SIL1: variants seen among roughly 807,000 people sequenced by gnomAD.
SIL1 encodes the protein SIL1 nucleotide exchange factor, also known as nucleotide exchange factor SIL1.
A neutral mutation model predicts 49.1 loss-of-function variants in SIL1; 40 were observed. The observed-to-expected ratio is 0.81, with a 90% CI of 0.63 to 1.06. The LOEUF (loss-of-function observed/expected upper bound fraction) is 1.06, where lower values mean the gene tolerates loss of function less well. Ranked by LOEUF, SIL1 falls within the 50% of genes least tolerant of loss-of-function variation. The pLI is 0.00. For synonymous variants in SIL1, 253 were observed against 250.8 expected, an observed-to-expected ratio of 1.01 and a Z score of -0.08; for missense variants, 500 against 572.6, an observed-to-expected ratio of 0.87 and a Z score of 1.29.
intron 3 of SIL1, among the ~76,000 whole-genome samples, chr5:139,100,335 C>T (rs1330985384): frequency 6.6e-6 from 1 of 152,068 alleles, no homozygotes; most frequent in Non-Finnish European, 1.5e-5. Flanking sequence ...GGTGTGACAG[C>T]CTGATGTGTT....
rs372165445 is a variant in SIL1, at chr5:138,988,219, G to A, written c.767+32952C>T. 6.6e-5 allele frequency among the ~76,000 whole-genome samples: 10 copies of A among 152,288 alleles called. No individual in the cohort carries two copies. In the East Asian group the frequency reaches 1.4e-3, roughly 21 times the overall value. On this transcript the variant is annotated intron_variant, in intron 7 of 9. Coordinates refer to ENST00000394817, the MANE Select transcript of SIL1 (RefSeq NM_022464.5). ...CCAAAGCTCCTGGTGGCCATTGTAC[G>A]CCTAGCACAGACCCGTACACCTGGT... is the stretch of plus-strand genomic sequence containing the variant.
chr5:139,094,603 A>G (rs373199319), intron 3 of SIL1, among the ~76,000 whole-genome samples: 6 of 152,234 alleles, frequency 3.9e-5, no homozygotes, highest in African/African-American at 1.4e-4. Flanking sequence ...TTGGACTTAC[A>G]GAAAACTCAG....
At chr5:139,019,938 G>C (rs1362057419) in intron 7 of SIL1, among the ~76,000 whole-genome samples, 1 of 152,138 alleles carries the variant, frequency 6.6e-6, no homozygotes, top group Non-Finnish European at 1.5e-5. Flanking sequence ...GCCTTATAAG[G>C]CTAAGACCCT....
chr5:138,982,550 TAG>T (rs756884065), intron 7 of SIL1, among the ~76,000 whole-genome samples: 1 of 152,216 alleles, frequency 6.6e-6, no homozygotes, highest in Non-Finnish European at 1.5e-5. Flanking sequence ...GAGCATTTTA[TAG>T]AGACAATTTC....
At position 139,022,622 on chromosome 5, in the gene SIL1, G is replaced by A. The variant is rs527778973; in HGVS notation, c.646-1330C>T. 9 of 152,322 alleles carry A rather than the reference G, an allele frequency of 5.9e-5. No individual in the cohort carries two copies. In the East Asian group the frequency reaches 1.7e-3, roughly 29 times the overall value. The allele number at this position is 152,322 out of a possible 1,614,324, so 9.4% of individuals were successfully genotyped here. A position where few individuals can be genotyped will look rare whatever the true frequency, so the allele number is the denominator to read the frequency against. On this transcript the variant is annotated intron_variant, in intron 6 of 9. Coordinates refer to ENST00000394817, the MANE Select transcript of SIL1 (RefSeq NM_022464.5). ...AGTGTGAATAAAAAGGCAATCTGGG[G>A]TATCTGTGCCAACAAAATGAATGGG...
intron 1 of SIL1, among the ~76,000 whole-genome samples, chr5:139,187,205 G>C (rs1752090666): frequency 6.6e-6 from 1 of 152,184 alleles, no homozygotes; most frequent in African/African-American, 2.4e-5. Flanking sequence ...GCTCACTGAA[G>C]GCGGCAGCTC....
chr5:138,961,326 C>G (rs1330433669), intron 7 of SIL1, among the ~76,000 whole-genome samples: 1 of 152,200 alleles, frequency 6.6e-6, no homozygotes, highest in Non-Finnish European at 1.5e-5. Context: ...TTTGGAGAAG[C>G]CAGTGGTTCA....
At chr5:139,089,732 C>T (rs1343746664) in intron 3 of SIL1, among the ~76,000 whole-genome samples, 4 of 152,162 alleles carry the variant, frequency 2.6e-5, no homozygotes, top group Admixed American at 2.6e-4. Context: ...ACTCCATTTA[C>T]ATGAAATATC....
At chr5:139,123,602 T>G (rs374618104) in intron 2 of SIL1, among the ~76,000 whole-genome samples, 3 of 152,282 alleles carry the variant, frequency 2.0e-5, no homozygotes, top group Admixed American at 6.5e-5. Context: ...GTCAGAAGCA[T>G]TAGACTGCAG....
chr5:139,041,286 T>C (rs2150445301), intron 5 of SIL1, among the ~76,000 whole-genome samples: 1 of 152,338 alleles, frequency 6.6e-6, no homozygotes, highest in East Asian at 1.9e-4. Flanking sequence ...GTGACTTTGG[T>C]AAGATGAGTA....
chr5:138,949,382 C>T (rs962590499), intron 9 of SIL1, among the ~76,000 whole-genome samples: 1 of 152,200 alleles, frequency 6.6e-6, no homozygotes, highest in African/African-American at 2.4e-5. Context: ...GGGAATTCCA[C>T]AGTCCTTGGC....
intron 7 of SIL1, among the ~76,000 whole-genome samples, chr5:138,959,307 G>A (rs1766968578): frequency 6.6e-6 from 1 of 152,176 alleles, no homozygotes; most frequent in Non-Finnish European, 1.5e-5. Flanking sequence ...CAAGCATTTG[G>A]GATAACTAGA....
At position 139,127,850 on chromosome 5, in the gene SIL1, G is replaced by A; in HGVS notation, c.-7C>T. On this transcript the variant is annotated 5_prime_UTR_variant, in exon 2 of 10. Transcript: ENST00000394817. ...GCAGGCTCTGGGGAGCCATAGTCAG[G>A]GACCTGCAGGTGCAAGCATAGACAA... is the stretch of plus-strand genomic sequence containing the variant. 5 of 1,583,272 alleles carry A rather than the reference G, an allele frequency of 3.2e-6. No homozygotes were observed. The highest frequency in any genetic ancestry group is 4.3e-6 in the Non-Finnish European group (5 of 1,160,790).
At chr5:139,124,009 C>A (rs1750707346) in intron 2 of SIL1, among the ~76,000 whole-genome samples, 1 of 152,214 alleles carries the variant, frequency 6.6e-6, no homozygotes, top group African/African-American at 2.4e-5. Flanking sequence ...CTCTGCCTCC[C>A]AAAGTGCTGG....
intron 3 of SIL1, among the ~76,000 whole-genome samples, chr5:139,114,555 G>T (rs146390502): frequency 1.3e-4 from 20 of 152,202 alleles, no homozygotes; most frequent in Non-Finnish European, 1.9e-4. Flanking sequence ...CAAAGGAGAT[G>T]CTCAGAGTCG....
At chr5:139,070,564 G>A (rs1039506349) in intron 3 of SIL1, among the ~76,000 whole-genome samples, 35 of 152,108 alleles carry the variant, frequency 2.3e-4, no homozygotes, top group Non-Finnish European at 2.8e-4. Context: ...GACGAGCTTA[G>A]AATATCTTGT....
At chr5:139,089,642 T>C (rs1323556069) in intron 3 of SIL1, among the ~76,000 whole-genome samples, 2 of 152,254 alleles carry the variant, frequency 1.3e-5, no homozygotes, top group Non-Finnish European at 2.9e-5. Flanking sequence ...GAAGTATTGA[T>C]ACATGCTACA....
chr5:139,021,684 C>A, intron 6 of SIL1: 1 of 310,264 alleles, frequency 3.2e-6, no homozygotes. Context: ...TGTCCAATCC[C>A]AATGGGGACA....
At chr5:139,189,302 T>C (rs1752127556) in intron 1 of SIL1, among the ~76,000 whole-genome samples, 1 of 152,214 alleles carries the variant, frequency 6.6e-6, no homozygotes, top group South Asian at 2.1e-4. Flanking sequence ...CACCGCCTCC[T>C]GTCAGATCAG....
Sources: gnomAD v4.1 joint callset for allele counts (sites outside exome capture counted in the v4.1 genomes callset) on GRCh38, gnomAD v4.1.1 for gene constraint, MANE v1.5 for transcripts, NCBI Gene and HGNC (gene_info 2026-07-23, HGNC 2026-07-21) for gene names.